Variants in DNM3 observed in about 807,000 individuals in gnomAD.
DNM3 encodes the protein dynamin-3.
Under a neutral mutation model 101.6 loss-of-function variants are expected in DNM3, and 47 were observed. The observed-to-expected ratio is 0.46, with a 90% CI of 0.37 to 0.59. The LOEUF is 0.59. DNM3 is among the 20% of genes least tolerant of loss of function. The probability of loss-of-function intolerance (pLI) is 0.00; values close to 1 mark genes in which losing one functional copy is unlikely to be tolerated. For missense variants in DNM3, 849 were observed against 1,085.7 expected, an observed-to-expected ratio of 0.78 and a Z score of 3.06; for synonymous variants, 385 against 387.9, an observed-to-expected ratio of 0.99 and a Z score of 0.09.
chr1:172,337,593 A>G (rs115980524), intron 17 of DNM3, among the ~76,000 whole-genome samples: 2,130 of 152,316 alleles, frequency 0.014, 67 homozygotes, highest in African/African-American at 0.049. Context: ...AATTTATTTG[A>G]TCAAATAACA....
chr1:172,328,787 A>G (rs1400092631), intron 17 of DNM3, among the ~76,000 whole-genome samples: 1 of 152,182 alleles, frequency 6.6e-6, no homozygotes, highest in Non-Finnish European at 1.5e-5. Flanking sequence ...CCCTGAGCCT[A>G]AAATAAAAGT....
chr1:172,191,017 T>C (rs2059700562), intron 14 of DNM3, among the ~76,000 whole-genome samples: 1 of 152,198 alleles, frequency 6.6e-6, no homozygotes, highest in South Asian at 2.1e-4. Context: ...GCTCTTTAGT[T>C]TAATTAGATC....
rs140052098 is a variant in DNM3 at position 172,322,756 on chromosome 1, G to A, written c.1882-573G>A. 2.8e-3 allele frequency among the ~76,000 whole-genome samples: 422 copies of A among 151,680 alleles called. 1 individual carries two copies. The highest frequency in any genetic ancestry group is 9.5e-3 in the African/African-American group (394 of 41,362). ...TAAAGGAATGGTCCAGATGGAGGTCGTAACTTGGTCTGCTTACCCTGTCTC... is the reference window on the plus strand; with the variant it reads ...TAAAGGAATGGTCCAGATGGAGGTCATAACTTGGTCTGCTTACCCTGTCTC... On this transcript the variant is annotated intron_variant, in intron 16 of 20. Transcript: ENST00000627582.
chr1:172,364,502 G>A (rs1380534987), intron 17 of DNM3, among the ~76,000 whole-genome samples: 1 of 151,770 alleles, frequency 6.6e-6, no homozygotes, highest in African/African-American at 2.4e-5. Flanking sequence ...ATCCACACTG[G>A]GGGATTGGAC....
intron 1 of DNM3, among the ~76,000 whole-genome samples, chr1:171,900,087 A>G (rs139355849): frequency 1.1e-4 from 17 of 152,334 alleles, no homozygotes; most frequent in African/African-American, 2.9e-4. Flanking sequence ...ACGAGGGCTT[A>G]AGACAGTAAG....
intron 20 of DNM3, among the ~76,000 whole-genome samples, chr1:172,392,306 C>A (rs2069589663): frequency 6.6e-6 from 1 of 152,182 alleles, no homozygotes; most frequent in South Asian, 2.1e-4. Flanking sequence ...TGAGTATACA[C>A]AAATCAGTGA....
chr1:172,220,645 G>T (rs1487244531), intron 14 of DNM3, among the ~76,000 whole-genome samples: 3 of 152,136 alleles, frequency 2.0e-5, no homozygotes, highest in Non-Finnish European at 4.4e-5. Context: ...AGATTAAATG[G>T]TAGAGGAAAT....
chr1:171,894,447 C>T (rs568970298), intron 1 of DNM3, among the ~76,000 whole-genome samples: 1 of 151,960 alleles, frequency 6.6e-6, no homozygotes, highest in South Asian at 2.1e-4. Context: ...CTGTGTCTCC[C>T]AGGCTGGAGT....
chr1:172,395,793 A>G (rs1308893572), intron 20 of DNM3, among the ~76,000 whole-genome samples: 1 of 152,244 alleles, frequency 6.6e-6, no homozygotes, highest in African/African-American at 2.4e-5. Context: ...TAAGTTGCCA[A>G]ATTAAATCCA....
At chr1:172,379,400 T>C (rs926827026) in intron 18 of DNM3, among the ~76,000 whole-genome samples, 1 of 151,986 alleles carries the variant, frequency 6.6e-6, no homozygotes, top group East Asian at 1.9e-4. Flanking sequence ...GTATTCCCCA[T>C]TGGCTGTCTT....
At chr1:171,872,050 A>T (rs2035346324) in intron 1 of DNM3, among the ~76,000 whole-genome samples, 1 of 152,042 alleles carries the variant, frequency 6.6e-6, no homozygotes, top group Non-Finnish European at 1.5e-5. Context: ...CTGATAACCC[A>T]TCAGGAAAGG....
At chr1:172,159,396 G>A (rs1475230) in intron 14 of DNM3, among the ~76,000 whole-genome samples, 44,750 of 151,810 alleles carry the variant, frequency 0.29, 7,669 homozygotes, top group African/African-American at 0.46. Flanking sequence ...CAAGACTGCC[G>A]TGGTAAATAT....
intron 14 of DNM3, among the ~76,000 whole-genome samples, chr1:172,196,777 G>C (rs1329585310): frequency 1.3e-5 from 2 of 151,984 alleles, no homozygotes; most frequent in Non-Finnish European, 2.9e-5. Flanking sequence ...TTGTAAATTT[G>C]TTTAAATTCC....
chr1:171,906,288 T>A (rs1037518952), intron 1 of DNM3, among the ~76,000 whole-genome samples: 4 of 151,906 alleles, frequency 2.6e-5, no homozygotes, highest in African/African-American at 9.7e-5. Context: ...CCACCACACC[T>A]GGCTAAGTTT....
chr1:172,057,826 T>A (rs2050774959), intron 10 of DNM3, among the ~76,000 whole-genome samples: 3 of 149,682 alleles, frequency 2.0e-5, no homozygotes, highest in African/African-American at 7.5e-5. Flanking sequence ...AATGACAGGA[T>A]CAAATTCACA....
At chr1:171,905,229 T>A (rs1467194372) in intron 1 of DNM3, among the ~76,000 whole-genome samples, 1 of 152,206 alleles carries the variant, frequency 6.6e-6, no homozygotes, top group East Asian at 1.9e-4. Flanking sequence ...ACCCCTGTGG[T>A]CTTTACATAT....
chr1:171,858,450 A>G (rs912702300), intron 1 of DNM3, among the ~76,000 whole-genome samples: 1 of 152,126 alleles, frequency 6.6e-6, no homozygotes, highest in Non-Finnish European at 1.5e-5. Context: ...ACCATCACAC[A>G]ACTCTCACTG....
At chr1:172,300,787 A>T (rs2064408444) in intron 15 of DNM3, among the ~76,000 whole-genome samples, 1 of 152,240 alleles carries the variant, frequency 6.6e-6, no homozygotes, top group Non-Finnish European at 1.5e-5. Flanking sequence ...TCCAAAAGAG[A>T]GGTGATTATA....
At chr1:171,892,553 C>G (rs752113904) in intron 1 of DNM3, among the ~76,000 whole-genome samples, 1 of 152,224 alleles carries the variant, frequency 6.6e-6, no homozygotes, top group East Asian at 1.9e-4. Context: ...CTAGCCTCCT[C>G]CTCTTGCTTA....
Sources: allele counts gnomAD v4.1 joint callset (sites outside exome capture counted in the v4.1 genomes callset), GRCh38; gene constraint gnomAD v4.1.1; transcripts MANE v1.5; gene names NCBI Gene and HGNC (gene_info 2026-07-23, HGNC 2026-07-21).